The following PDGFD variants were observed in gnomAD, a reference collection of about 807,000 sequenced individuals.
The protein encoded by PDGFD is platelet-derived growth factor D.
In PDGFD, 30 loss-of-function variants were observed where a neutral mutation model predicts 44.7. The observed-to-expected ratio is 0.67, with a 90% confidence interval of 0.50 to 0.91. The LOEUF is 0.91. Among genes scored for constraint, PDGFD ranks in the 40% least tolerant of loss-of-function variants. The pLI is 0.00. For missense variants in PDGFD, 445 were observed against 457.8 expected (o/e 0.97, Z 0.25); for synonymous variants, 173 against 168.4 (o/e 1.03, Z -0.21).
chr11:103,999,287 A>C (rs1319725210), intron 2 of PDGFD, among the ~76,000 whole-genome samples: 3 of 152,050 alleles, frequency 2.0e-5, no homozygotes, highest in Non-Finnish European at 4.4e-5. Flanking sequence ...GCAATGCAGA[A>C]CAAGTGTGTG....
intron 3 of PDGFD, among the ~76,000 whole-genome samples, chr11:103,994,242 T>C (rs1859501145): frequency 6.6e-6 from 1 of 152,240 alleles, no homozygotes; most frequent in African/African-American, 2.4e-5. Context: ...CTAATAGTGC[T>C]TGGTATTTTA....
intron 1 of PDGFD, among the ~76,000 whole-genome samples, chr11:104,082,133 C>CATATATATATATATATATATAT (rs981551524): frequency 0.016 from 1,902 of 117,248 alleles, 171 homozygotes; most frequent in African/African-American, 0.026. Flanking sequence ...CATATACATA[C>CATATATATATATATATATATAT]ATACATATAT....
At chr11:103,912,160 C>A (rs1484355073) in intron 6 of PDGFD, among the ~76,000 whole-genome samples, 2 of 152,054 alleles carry the variant, frequency 1.3e-5, no homozygotes, top group African/African-American at 4.8e-5. Flanking sequence ...GAAGAACAAT[C>A]CCAAGACACA....
intron 1 of PDGFD, among the ~76,000 whole-genome samples, chr11:104,156,298 T>C (rs1862307006): frequency 6.6e-6 from 1 of 152,126 alleles, no homozygotes; most frequent in African/African-American, 2.4e-5. Flanking sequence ...GAAGCTGCAG[T>C]AAGCCTTGAT....
chr11:104,146,853 G>A lies in PDGFD; in HGVS notation c.124+16951C>T, dbSNP rs566720307. 4.6e-5 allele frequency among the ~76,000 whole-genome samples: 7 copies of A among 151,950 alleles called. No homozygotes were observed. In the East Asian group the frequency reaches 1.2e-3, roughly 25 times the overall value. On this transcript the variant is annotated intron_variant, in intron 1 of 6. Coordinates refer to ENST00000393158, the MANE Select transcript of PDGFD (RefSeq NM_025208.5). ...AGGGGAATAAAAGAGACATAAAAAA[G>A]GATACAGTAGGGAATAAAACAGACA...
In PDGFD at chr11:104,039,769, T is replaced by C. The variant is rs1463118362; in HGVS notation, c.125-39514A>G. Among the ~76,000 whole-genome samples, 3 of 152,148 alleles carry C rather than the reference T, an allele frequency of 2.0e-5. No homozygotes were observed. In the East Asian group the frequency reaches 5.8e-4, roughly 29 times the overall value. ...TAAATTGCCCTGATAAATTCATGGA[T>C]TATCTCACTGACAAAAATATGCAAA... is the stretch of plus-strand genomic sequence containing the variant. On this transcript the variant is annotated intron_variant, in intron 1 of 6. Coordinates refer to ENST00000393158, the MANE Select transcript of PDGFD (RefSeq NM_025208.5).
At chr11:103,949,166 C>T (rs113594047) in intron 3 of PDGFD, among the ~76,000 whole-genome samples, 2,939 of 151,974 alleles carry the variant, frequency 0.019, 55 homozygotes, top group Non-Finnish European at 0.026. Context: ...CCACACCCAG[C>T]TAATTTTTGT....
At chr11:103,926,812 C>G (rs903043549) in intron 6 of PDGFD, 100 bp downstream of exon 6, 14 of 1,249,646 alleles carry the variant, frequency 1.1e-5, no homozygotes, top group African/African-American at 1.5e-5. Flanking sequence ...TGGCTGGGTG[C>G]CCTTGTGCAG....
chr11:104,016,869 A>G (rs1355053833), intron 1 of PDGFD, among the ~76,000 whole-genome samples: 1 of 152,218 alleles, frequency 6.6e-6, no homozygotes, highest in African/African-American at 2.4e-5. Flanking sequence ...ATGTAGCACT[A>G]TTTAAGAAAT....
intron 3 of PDGFD, among the ~76,000 whole-genome samples, chr11:103,961,387 A>G (rs1218680697): frequency 6.6e-6 from 1 of 152,174 alleles, no homozygotes; most frequent in African/African-American, 2.4e-5. Flanking sequence ...CAGGAGAAAG[A>G]ATGATTTAAG....
intron 1 of PDGFD, among the ~76,000 whole-genome samples, chr11:104,129,963 T>G (rs557640875): frequency 1.4e-5 from 2 of 143,040 alleles, no homozygotes; most frequent in Non-Finnish European, 3.0e-5. Context: ...GAGCCAAGAT[T>G]GCACCAATGC....
intron 1 of PDGFD, among the ~76,000 whole-genome samples, chr11:104,003,956 C>T (rs1275555471): frequency 6.6e-6 from 1 of 152,140 alleles, no homozygotes; most frequent in Non-Finnish European, 1.5e-5. Flanking sequence ...ATTTCAAGGA[C>T]AGAGTGGTCA....
intron 1 of PDGFD, among the ~76,000 whole-genome samples, chr11:104,049,547 G>T (rs556508218): frequency 2.6e-4 from 39 of 151,576 alleles, no homozygotes; most frequent in African/African-American, 8.7e-4. Flanking sequence ...GCTTTTTTTT[G>T]TTTTGTTTTG....
Position 103,909,417 on chromosome 11 carries a change from C to A in PDGFD, c.*277G>T. On this transcript the variant is annotated 3_prime_UTR_variant, in exon 7 of 7. Coordinates refer to ENST00000393158, the MANE Select transcript of PDGFD (RefSeq NM_025208.5). ...CCAAAAAAAACATTTGATCTATATA[C>A]ACATAGACATGAATATATTTCTGTG... 5.7e-6 allele frequency: 2 copies of A among 348,874 alleles called. No individual in the cohort carries two copies. Among genetic ancestry groups the A allele is most frequent in the East Asian group, 1.1e-4 (2 of 18,946 alleles). The allele number at this position is 348,874 out of a possible 1,614,324, so 21.6% of individuals were successfully genotyped here. A position where few individuals can be genotyped will look rare whatever the true frequency, so the allele number is the denominator to read the frequency against.
At chr11:103,956,335 A>G (rs1858848001) in intron 3 of PDGFD, among the ~76,000 whole-genome samples, 1 of 151,186 alleles carries the variant, frequency 6.6e-6, no homozygotes, top group Non-Finnish European at 1.5e-5. Context: ...TCTTTGCGAT[A>G]GATTACTGAG....
rs1177611521 is a variant in PDGFD at position 103,979,910 on chromosome 11, A to C, written c.510+16155T>G. ...GCAATTGTTTATTCTAACTAATTGT[A>C]ACTTCAAATCAAAATTAGGCACTGG... is the stretch of plus-strand genomic sequence containing the variant. On this transcript the variant is annotated intron_variant, in intron 3 of 6. Transcript: ENST00000393158. Among the ~76,000 whole-genome samples the C allele has an allele frequency of 3.3e-5, 5 of 152,280 alleles. No homozygotes were observed. In the East Asian group the frequency reaches 9.6e-4, roughly 29 times the overall value.
At chr11:104,109,762 C>T (rs1861525032) in intron 1 of PDGFD, among the ~76,000 whole-genome samples, 1 of 151,778 alleles carries the variant, frequency 6.6e-6, no homozygotes, top group African/African-American at 2.4e-5. Context: ...ATCTAAGATA[C>T]ATCATTAAGT....
intron 1 of PDGFD, among the ~76,000 whole-genome samples, chr11:104,069,381 G>C (rs1346881314): frequency 6.6e-6 from 1 of 152,110 alleles, no homozygotes; most frequent in Non-Finnish European, 1.5e-5. Context: ...AGGTTATTTT[G>C]ACTATTTGGT....
Position 104,051,099 on chromosome 11 carries a change from GA to G in PDGFD, c.125-50845del, listed in dbSNP as rs112708876. ...AAACAGGCAGCACAAGGTGATACAG[GA>G]AAAAAAAATGCCCTCCATTATGATG... On this transcript the variant is annotated intron_variant, in intron 1 of 6. Transcript: ENST00000393158. 4.6e-3 allele frequency among the ~76,000 whole-genome samples: 699 copies of G among 151,654 alleles called. 5 individuals are homozygous for G. Among genetic ancestry groups the G allele is most frequent in the African/African-American group, 0.016 (664 of 41,414 alleles).
Sources: gnomAD v4.1 joint callset for allele counts (sites outside exome capture counted in the v4.1 genomes callset) on GRCh38, gnomAD v4.1.1 for gene constraint, MANE v1.5 for transcripts, NCBI Gene and HGNC (gene_info 2026-07-23, HGNC 2026-07-21) for gene names.